Variants in VPS13A observed in about 807,000 individuals in gnomAD.
The protein encoded by VPS13A is intermembrane lipid transfer protein VPS13A.
VPS13A carries 264 observed loss-of-function variants against 390.9 expected under a neutral mutation model. That is an observed-to-expected ratio of 0.68 (90% CI 0.61 to 0.75). The LOEUF is 0.75. Among genes scored for constraint, VPS13A ranks in the 30% least tolerant of loss-of-function variants. The probability of loss-of-function intolerance (pLI) is 0.00; values close to 1 mark genes in which losing one functional copy is unlikely to be tolerated. For missense variants in VPS13A, 3,409 were observed against 3,733.9 expected, an observed-to-expected ratio of 0.91 and a Z score of 2.27; for synonymous variants, 1,231 against 1,227.1, an observed-to-expected ratio of 1.00 and a Z score of -0.07.
chr9:77,410,914 A>AACTC (rs1365274643), intron 71 of VPS13A, among the ~76,000 whole-genome samples: 2 of 152,236 alleles, frequency 1.3e-5, no homozygotes, highest in African/African-American at 4.8e-5. Context: ...CCAGGAATTG[A>AACTC]ACTCAGCTCT....
In VPS13A at chr9:77,368,075, A is replaced by G; in HGVS notation, c.8492A>G (p.Asn2831Ser). The change falls in exon 62 of 72, where the codon AAC becomes AGC. Residue 2831 changes from asparagine to serine, a missense_variant. Physicochemically the swap from Asn to Ser is conservative, Grantham distance 46. Transcript: ENST00000360280. ...VVFKLAFFEL[N>S]YQFHTTSDLQ... Reference sequence around the variant, plus strand: ...TTCAGGCTTGCATTTTTTGAACTCAACTATCAGTTCCATACAACATCCGAT... The same window carrying G: ...TTCAGGCTTGCATTTTTTGAACTCAGCTATCAGTTCCATACAACATCCGAT... The G allele has an allele frequency of 2.5e-6, 4 of 1,612,422 alleles. No homozygotes were observed. The highest frequency in any genetic ancestry group is 1.1e-5 in the South Asian group (1 of 90,902).
rs890482563 is a variant in VPS13A at position 77,314,721 on chromosome 9, C to T, written c.4412+57C>T. On this transcript the variant is annotated intron_variant, in intron 37 of 71. Transcript: ENST00000360280. Reference sequence around the variant, plus strand: ...CTTGAGAAATCGTTGATATATTTTACAGAATTCATCTCCAGAATTGCACGT... The same window carrying T: ...CTTGAGAAATCGTTGATATATTTTATAGAATTCATCTCCAGAATTGCACGT... 4 of 1,537,488 alleles carry T rather than the reference C, an allele frequency of 2.6e-6. No individual in the cohort carries two copies. The African/African-American group carries it at 5.5e-5, about 21-fold the overall frequency.
At position 77,332,092 on chromosome 9, in the gene VPS13A, A is replaced by C. The variant is rs371055567; in HGVS notation, c.6074A>C (p.Asn2025Thr). 1 of 1,611,238 alleles carries C rather than the reference A, an allele frequency of 6.2e-7. No individual in the cohort carries two copies. Among genetic ancestry groups the C allele is most frequent in the Non-Finnish European group, 8.5e-7 (1 of 1,177,742 alleles). Residue 2025 changes from asparagine (N) to threonine (T), a missense_variant, in exon 46 of 72, where the codon AAC becomes ACC. Coordinates refer to ENST00000360280, the MANE Select transcript of VPS13A (RefSeq NM_033305.3). ...LGTASPENEF[N>T]IPLGSYRSFI... is the part of the protein sequence containing the mutation. Reference sequence around the variant, plus strand: ...ACTGCCTCACCTGAAAATGAATTCAACATACCATTAGGATCTTACCGGTAT... The same window carrying C: ...ACTGCCTCACCTGAAAATGAATTCACCATACCATTAGGATCTTACCGGTAT...
At chr9:77,179,490 A>T (rs1823871516) in intron 1 of VPS13A, among the ~76,000 whole-genome samples, 1 of 152,092 alleles carries the variant, frequency 6.6e-6, no homozygotes, top group African/African-American at 2.4e-5. Flanking sequence ...CTGCCTCCCA[A>T]AGTGCTGGGA....
At chr9:77,308,962 G>GAAT (rs767686376) in intron 35 of VPS13A, among the ~76,000 whole-genome samples, 3 of 152,102 alleles carry the variant, frequency 2.0e-5, no homozygotes, top group Non-Finnish European at 2.9e-5. Context: ...TGTTAAATAT[G>GAAT]AATGGTCAGA....
chr9:77,295,670 C>T lies in VPS13A; in HGVS notation c.3636C>T (p.Asn1212=), dbSNP rs1432686778. 1 of 1,614,038 alleles carries T rather than the reference C, an allele frequency of 6.2e-7. No individual in the cohort carries two copies. The highest frequency in any genetic ancestry group is 1.3e-5 in the African/African-American group (1 of 75,038). The change falls in exon 33 of 72, where the codon AAC becomes AAT. Residue 1212 remains asparagine, a synonymous_variant. Transcript: ENST00000360280. Reference sequence around the variant, plus strand: ...GTTCCAGAATGGCACTGGATATTAACATCAAAGCCCCAGTTGTGGTCATCC... The same window carrying T: ...GTTCCAGAATGGCACTGGATATTAATATCAAAGCCCCAGTTGTGGTCATCC... ...QRSSRMALDI[N]IKAPVVVIPQ... is the part of the protein sequence containing the mutation.
chr9:77,412,345 A>G (rs1834975491), intron 71 of VPS13A, among the ~76,000 whole-genome samples: 1 of 152,244 alleles, frequency 6.6e-6, no homozygotes, highest in Non-Finnish European at 1.5e-5. Flanking sequence ...AAAATCCTCA[A>G]TAAATTACTG....
At chr9:77,390,362 T>C (rs1833852100) in intron 68 of VPS13A, among the ~76,000 whole-genome samples, 2 of 152,194 alleles carry the variant, frequency 1.3e-5, no homozygotes, top group African/African-American at 4.8e-5. Context: ...CTTACTAGTT[T>C]AGCAGGAATC....
In VPS13A at chr9:77,220,294, G is replaced by A. The variant is rs750958608; in HGVS notation, c.900G>A (p.Glu300=). The change falls in exon 12 of 72, where the codon GAG becomes GAA. Residue 300 remains glutamate (E), a synonymous_variant. Transcript: ENST00000360280. The part of the protein sequence containing the change: ...FNKPQYFSIM[E]LLESVDMMAQ... ...TTCTTTAGTATTTCAGTATTATGGA[G>A]CTTCTTGAATCAGTTGATATGATGG... 26 of 1,611,624 alleles carry A rather than the reference G, an allele frequency of 1.6e-5. No individual in the cohort carries two copies. In the East Asian group the frequency reaches 5.1e-4, roughly 32 times the overall value.
intron 18 of VPS13A, 23 bp from the exon 19 acceptor site, chr9:77,238,249 G>C: frequency 1.2e-6 from 2 of 1,610,656 alleles, no homozygotes; most frequent in Non-Finnish European, 8.5e-7. Flanking sequence ...TTGAGTTTGT[G>C]TTAATGATGT....
At chr9:77,359,252 C>T in intron 57 of VPS13A, 81 bp from the exon 58 acceptor site, 2 of 1,123,842 alleles carry the variant, frequency 1.8e-6, no homozygotes, top group South Asian at 1.3e-5. Context: ...ATTTAATTTT[C>T]CATTGTGGTG....
chr9:77,357,316 CAAAAAAAAAAAAAA>C (rs1156801817), intron 55 of VPS13A, among the ~76,000 whole-genome samples: 7 of 44,608 alleles, frequency 1.6e-4, no homozygotes, highest in African/African-American at 2.2e-4. Context: ...GACTCTGTCT[CAAAAAAAAAAAAAA>C]AAAAAAAAAA....
chr9:77,366,074 T>G (rs552574165), intron 60 of VPS13A, among the ~76,000 whole-genome samples: 40 of 152,198 alleles, frequency 2.6e-4, no homozygotes, highest in Admixed American at 2.4e-3. Flanking sequence ...TTGAAACATA[T>G]ACTTTTGGAG....
chr9:77,292,427 C>CT (rs1234401807), intron 31 of VPS13A, among the ~76,000 whole-genome samples: 2 of 151,996 alleles, frequency 1.3e-5, no homozygotes, highest in Non-Finnish European at 2.9e-5. Context: ...CCTCAGATTG[C>CT]TAATGGTTTT....
At chr9:77,314,264 A>G (rs961216925) in intron 36 of VPS13A, 145 bp downstream of exon 36, 36 of 960,138 alleles carry the variant, frequency 3.7e-5, no homozygotes, top group Non-Finnish European at 5.3e-5. Flanking sequence ...TTTAATAATA[A>G]TTATAACTAT....
chr9:77,414,798 A>G (rs1478833461), intron 71 of VPS13A, among the ~76,000 whole-genome samples: 5 of 151,532 alleles, frequency 3.3e-5, no homozygotes, highest in African/African-American at 1.2e-4. Context: ...CATTTCTCCT[A>G]TACTTGATCC....
chr9:77,275,359 TG>T (rs1826589301), intron 24 of VPS13A, 138 bp from the exon 25 acceptor site: 1 of 800,818 alleles, frequency 1.2e-6, no homozygotes, highest in Non-Finnish European at 2.0e-6. Context: ...TATTATTTTC[TG>T]TTTATTTCGG....
In VPS13A at chr9:77,403,156, T is replaced by C. The variant is rs915915415; in HGVS notation, c.9190-80T>C. 4.6e-5 allele frequency: 45 copies of C among 967,916 alleles called. No individual in the cohort carries two copies. In the South Asian group the frequency reaches 5.5e-4, roughly 12 times the overall value. The allele number at this position is 967,916 out of a possible 1,614,324, so 60.0% of individuals were successfully genotyped here. ...GTTTGCCCCATTGAGAAATGGTTTT[T>C]AGAGGACTATAAGGCATTGTTTGCA... is the stretch of plus-strand genomic sequence containing the variant. On this transcript the variant is annotated intron_variant, in intron 68 of 71. Coordinates refer to ENST00000360280, the MANE Select transcript of VPS13A (RefSeq NM_033305.3).
chr9:77,381,241 A>T (rs994480721), intron 67 of VPS13A, among the ~76,000 whole-genome samples: 1 of 152,030 alleles, frequency 6.6e-6, no homozygotes, highest in Non-Finnish European at 1.5e-5. Context: ...CAGCCTTCTG[A>T]GTGTCTGGGA....
Sources: allele counts gnomAD v4.1 joint callset (sites outside exome capture counted in the v4.1 genomes callset), GRCh38; gene constraint gnomAD v4.1.1; transcripts MANE v1.5; gene names NCBI Gene and HGNC (gene_info 2026-07-23, HGNC 2026-07-21).